OTOP1: variants seen among roughly 807,000 people sequenced by gnomAD.
The protein encoded by OTOP1 is proton channel OTOP1.
A neutral mutation model predicts 52.9 loss-of-function variants in OTOP1; 59 were observed. The ratio of observed to expected loss-of-function variants is 1.12; its 90% confidence interval spans 0.91 to 1.39. OTOP1 has a LOEUF of 1.39. OTOP1 is among the 40% of genes most tolerant of loss of function. The pLI is 0.00. For missense variants in OTOP1, 761 were observed against 800.9 expected (o/e 0.95, Z 0.60); for synonymous variants, 317 against 337.7 (o/e 0.94, Z 0.67).
Position 4,197,373 on chromosome 4 carries a change from A to G in OTOP1, c.1461T>C (p.Asp487=). The stretch of plus-strand genomic sequence containing the variant: ...GCATGTCCTTGCCCTGGGGAGCCAC[A>G]TCTCTGGCCACACCTCCACTCTTGG... ...SCPKSGGVAR[D]VAPQGKDMPP... is the part of the protein sequence containing the mutation. Residue 487 remains aspartate (D), a synonymous_variant, in exon 5 of 6, where the codon GAT becomes GAC. Coordinates refer to ENST00000296358, the MANE Select transcript of OTOP1 (RefSeq NM_177998.3). 6.2e-7 allele frequency: 1 copy of G among 1,613,898 alleles called. No individual in the cohort carries two copies. The highest frequency in any genetic ancestry group is 8.5e-7 in the Non-Finnish European group (1 of 1,180,010).
chr4:4,220,453 A>C (rs1717275958), intron 1 of OTOP1, among the ~76,000 whole-genome samples: 1 of 152,176 alleles, frequency 6.6e-6, no homozygotes, highest in Admixed American at 6.5e-5. Context: ...TAGAACATAG[A>C]GTGGCAGAGG....
At chr4:4,200,721 G>T (rs1716764234) in intron 4 of OTOP1, among the ~76,000 whole-genome samples, 1 of 40,846 alleles carries the variant, frequency 2.4e-5, no homozygotes, top group Admixed American at 2.1e-4. Flanking sequence ...CAGCATGCCT[G>T]CCTTTTTTTT....
At chr4:4,199,574 G>A (rs1333538430) in intron 4 of OTOP1, among the ~76,000 whole-genome samples, 3 of 151,972 alleles carry the variant, frequency 2.0e-5, no homozygotes, top group Non-Finnish European at 4.4e-5. Flanking sequence ...CACCACGCCC[G>A]GCTAATTTTT....
intron 4 of OTOP1, among the ~76,000 whole-genome samples, chr4:4,201,825 C>A (rs1329083331): frequency 6.6e-6 from 1 of 152,058 alleles, no homozygotes; most frequent in Non-Finnish European, 1.5e-5. Context: ...CCTGAGACAC[C>A]CAGTTCCCTG....
chr4:4,201,491 C>CACACACAT (rs1553852447), intron 4 of OTOP1, among the ~76,000 whole-genome samples: 2 of 151,252 alleles, frequency 1.3e-5, no homozygotes, highest in Non-Finnish European at 3.0e-5. Context: ...CACACACACA[C>CACACACAT]ACACACACAT....
At chr4:4,213,856 G>A (rs988002889) in intron 1 of OTOP1, among the ~76,000 whole-genome samples, 1 of 152,122 alleles carries the variant, frequency 6.6e-6, no homozygotes, top group Non-Finnish European at 1.5e-5. Flanking sequence ...TTGGGAGGCC[G>A]AGGAGTGTGA....
rs1716694782 is a variant in OTOP1 at position 4,198,097 on chromosome 4, T to C, written c.737A>G (p.Asp246Gly). Residue 246 changes from aspartate to glycine, a missense_variant, in exon 5 of 6, where the codon GAT (aspartate) becomes GGT (glycine). Coordinates refer to ENST00000296358, the MANE Select transcript of OTOP1 (RefSeq NM_177998.3). ...LGFGNITTVL[D>G]DHTPQCNCTP... ...GCAGTTACACTGCGGTGTGTGGTCA[T>C]CTAAAACTAGGGGAGACAGGTAGAT... is the stretch of plus-strand genomic sequence containing the variant. 2 of 1,611,846 alleles carry C rather than the reference T, an allele frequency of 1.2e-6. No homozygotes were observed. The highest frequency in any genetic ancestry group is 1.7e-6 in the Non-Finnish European group (2 of 1,178,042).
In OTOP1 at chr4:4,202,448, CTGT is replaced by C; in HGVS notation, c.727_729del (p.Thr243del). Reference sequence around the variant, plus strand: ...GCCACTCACCTCTCTCACCACTCACCTGTTGTTATGTTCCCAAAACCCAGAGTG... The same window carrying C: ...GCCACTCACCTCTCTCACCACTCACCTGTTATGTTCCCAAAACCCAGAGTG... On this transcript the variant is annotated inframe_deletion and splice_region_variant, in exon 4 of 6. Transcript: ENST00000296358. The C allele has an allele frequency of 6.2e-7, 1 of 1,613,686 alleles. No individual in the cohort carries two copies. Among genetic ancestry groups the C allele is most frequent in the Non-Finnish European group, 8.5e-7 (1 of 1,179,718 alleles).
At chr4:4,205,786 A>C (rs1266811170) in intron 3 of OTOP1, among the ~76,000 whole-genome samples, 1 of 152,154 alleles carries the variant, frequency 6.6e-6, no homozygotes, top group African/African-American at 2.4e-5. Flanking sequence ...TCTTCCCTTC[A>C]TCTCCATTTT....
At chr4:4,201,467 T>TACACACACACACACACACACACACAC (rs374925758) in intron 4 of OTOP1, among the ~76,000 whole-genome samples, 1 of 126,288 alleles carries the variant, frequency 7.9e-6, no homozygotes, top group Non-Finnish European at 1.7e-5. Context: ...TAAATATATA[T>TACACACACACACACACACACACACAC]ATATACACAC....
chr4:4,195,320 C>CT (rs1388619514), intron 5 of OTOP1, among the ~76,000 whole-genome samples: 1 of 152,252 alleles, frequency 6.6e-6, no homozygotes, highest in Non-Finnish European at 1.5e-5. Flanking sequence ...CCTTGATAAC[C>CT]TGGTGAACTT....
intron 2 of OTOP1, among the ~76,000 whole-genome samples, chr4:4,211,253 C>T (rs1050479109): frequency 2.6e-5 from 4 of 152,136 alleles, no homozygotes; most frequent in Admixed American, 2.6e-4. Flanking sequence ...AAATGTCATC[C>T]CTGGTTTTCT....
Position 4,188,948 on chromosome 4 carries a change from C to T in OTOP1, c.1694G>A (p.Cys565Tyr), listed in dbSNP as rs1274740722. The T allele has an allele frequency of 6.2e-7, 1 of 1,613,102 alleles. No individual in the cohort carries two copies. The highest frequency in any genetic ancestry group is 1.3e-5 in the African/African-American group (1 of 74,892). The change falls in exon 6 of 6, where the codon TGT becomes TAT. Residue 565 changes from cysteine (C) to tyrosine (Y), a missense_variant. Physicochemically the swap from Cys to Tyr is radical, Grantham distance 194. Coordinates refer to ENST00000296358, the MANE Select transcript of OTOP1 (RefSeq NM_177998.3). ...CAATCCATTGTCATACTCAGGTCGA[C>T]AGCCAAAGGCGGGAGGTATCCAAAG... Reference protein sequence around the residue: ...ISLWIPPAFGCRPEYDNGLEE... With the variant: ...ISLWIPPAFGYRPEYDNGLEE...
rs752298034 is a variant in OTOP1, at chr4:4,202,437, T to A, written c.730+11A>T. ...ATGGCAGAAGGGCCACTCACCTCTC[T>A]CACCACTCACCTGTTGTTATGTTCC... On this transcript the variant is annotated intron_variant, in intron 4 of 5. Transcript: ENST00000296358. 3 of 1,612,900 alleles carry A rather than the reference T, an allele frequency of 1.9e-6. No individual in the cohort carries two copies. The highest frequency in any genetic ancestry group is 2.5e-6 in the Non-Finnish European group (3 of 1,179,054).
chr4:4,225,566 CAAAAAAA>C (rs60600637), intron 1 of OTOP1, among the ~76,000 whole-genome samples: 1 of 111,508 alleles, frequency 9.0e-6, no homozygotes, highest in Non-Finnish European at 1.8e-5. Flanking sequence ...AACATTGTCT[CAAAAAAA>C]AAAAAAAAAA....
chr4:4,204,778 T>G (rs2108800238), intron 3 of OTOP1, among the ~76,000 whole-genome samples: 1 of 152,114 alleles, frequency 6.6e-6, no homozygotes, highest in South Asian at 2.1e-4. Flanking sequence ...CTTTCTTCTT[T>G]TTTTTCTTTT....
At chr4:4,221,167 C>T (rs1428022321) in intron 1 of OTOP1, among the ~76,000 whole-genome samples, 4 of 151,278 alleles carry the variant, frequency 2.6e-5, no homozygotes. Flanking sequence ...GCAAACCCTG[C>T]CTCCTGGGTT....
chr4:4,188,876 A>T lies in OTOP1; in HGVS notation c.1766T>A (p.Leu589Gln), dbSNP rs1219004958. ...ATAGAAAATAGAAAAAGGCATGGCC[A>T]GGTTGACCACAATTATCCAGGGTTC... Reference protein sequence around the residue: ...GFEPWIIVVNLAMPFSIFYRM... With the variant: ...GFEPWIIVVNQAMPFSIFYRM... The change falls in exon 6 of 6, where the codon CTG (leucine) becomes CAG (glutamine). Residue 589 changes from leucine to glutamine, a missense_variant. Leu to Gln is a moderately radical substitution (Grantham distance 113). This residue lies in a region of OTOP1 where 632 missense variants were observed against 619.5 expected (regional missense o/e 1.02). Coordinates refer to ENST00000296358, the MANE Select transcript of OTOP1 (RefSeq NM_177998.3). The T allele has an allele frequency of 6.2e-7, 1 of 1,614,010 alleles. No individual in the cohort carries two copies. The highest frequency in any genetic ancestry group is 8.5e-7 in the Non-Finnish European group (1 of 1,179,854).
intron 2 of OTOP1, 58 bp from the exon 3 acceptor site, chr4:4,206,188 C>T: frequency 7.2e-7 from 1 of 1,380,984 alleles, no homozygotes; most frequent in South Asian, 1.2e-5. Flanking sequence ...TTTACACTTG[C>T]AAACTTGAGA....
Sources: gnomAD v4.1 joint callset for allele counts (sites outside exome capture counted in the v4.1 genomes callset) on GRCh38, gnomAD v4.1.1 for gene constraint, gnomAD v4.1.1 regional missense constraint, MANE v1.5 for transcripts, NCBI Gene and HGNC (gene_info 2026-07-23, HGNC 2026-07-21) for gene names.